EPHA3: variants seen among roughly 807,000 people sequenced by gnomAD.
EPHA3 encodes ephrin type-A receptor 3.
In EPHA3, 42 loss-of-function variants were observed where a neutral mutation model predicts 107.1. The observed-to-expected ratio is 0.39, with a 90% CI of 0.31 to 0.51. The LOEUF (loss-of-function observed/expected upper bound fraction) is 0.51. EPHA3 is among the 20% of genes least tolerant of loss of function. The probability of loss-of-function intolerance (pLI) is 0.78; values close to 1 mark genes in which losing one functional copy is unlikely to be tolerated. For missense variants in EPHA3, 1,183 were observed against 1,211.2 expected (o/e 0.98, Z 0.35); for synonymous variants, 461 against 424.8 (o/e 1.09, Z -1.05).
At chr3:89,233,089 C>G (rs554710331) in intron 3 of EPHA3, among the ~76,000 whole-genome samples, 2 of 152,060 alleles carry the variant, frequency 1.3e-5, no homozygotes, top group East Asian at 3.9e-4. Flanking sequence ...ACTTACGTTA[C>G]AAGGTACAGA....
At chr3:89,424,203 C>T (rs1709412316) in intron 11 of EPHA3, among the ~76,000 whole-genome samples, 1 of 151,218 alleles carries the variant, frequency 6.6e-6, no homozygotes, top group South Asian at 2.1e-4. Flanking sequence ...ACACCATTTC[C>T]CAAGTGTAGT....
At chr3:89,162,742 G>T (rs141922763) in intron 2 of EPHA3, among the ~76,000 whole-genome samples, 1 of 152,192 alleles carries the variant, frequency 6.6e-6, no homozygotes, top group Non-Finnish European at 1.5e-5. Flanking sequence ...ACTGAGAGGG[G>T]CTTTTAGAAA....
intron 3 of EPHA3, among the ~76,000 whole-genome samples, chr3:89,292,257 C>G (rs953705233): frequency 6.6e-6 from 1 of 152,076 alleles, no homozygotes. Flanking sequence ...AGTAATAATA[C>G]AGCAATAAAA....
intron 3 of EPHA3, among the ~76,000 whole-genome samples, chr3:89,299,081 T>C (rs1320664936): frequency 6.6e-6 from 1 of 152,108 alleles, no homozygotes; most frequent in Non-Finnish European, 1.5e-5. Context: ...TTTGAAGACA[T>C]ATGTAAATAT....
At chr3:89,399,127 TAAA>T (rs375028505) in intron 6 of EPHA3, among the ~76,000 whole-genome samples, 188 bp from the exon 7 acceptor site, 16 of 139,202 alleles carry the variant, frequency 1.1e-4, no homozygotes, top group African/African-American at 4.2e-4. Flanking sequence ...AGACTTTGTC[TAAA>T]AAAAAAAAAA....
At chr3:89,202,452 G>T (rs2107163029) in intron 2 of EPHA3, among the ~76,000 whole-genome samples, 1 of 148,676 alleles carries the variant, frequency 6.7e-6, no homozygotes, top group Admixed American at 6.7e-5. Flanking sequence ...GGACGTGGAG[G>T]TTGCAGAGAA....
intron 10 of EPHA3, among the ~76,000 whole-genome samples, chr3:89,414,300 T>C (rs930331443): frequency 2.1e-4 from 32 of 151,844 alleles, no homozygotes; most frequent in African/African-American, 7.7e-4. Flanking sequence ...CTTCTAATTA[T>C]CTTAATTTCT....
intron 3 of EPHA3, among the ~76,000 whole-genome samples, chr3:89,334,406 T>A (rs1420136092): frequency 6.6e-6 from 1 of 152,238 alleles, no homozygotes; most frequent in African/African-American, 2.4e-5. Flanking sequence ...GTGATGAACA[T>A]GAAGTTAATT....
intron 15 of EPHA3, among the ~76,000 whole-genome samples, chr3:89,466,505 C>T (rs1434629423): frequency 7.5e-5 from 10 of 133,924 alleles, no homozygotes; most frequent in South Asian, 2.2e-4. Context: ...TAGGACCCTC[C>T]GAGCCAGGTG....
intron 3 of EPHA3, among the ~76,000 whole-genome samples, chr3:89,232,474 A>G: frequency 6.6e-6 from 1 of 152,288 alleles, no homozygotes; most frequent in East Asian, 1.9e-4. Flanking sequence ...GAAAGGTGTC[A>G]GAGTCTTCAA....
intron 5 of EPHA3, among the ~76,000 whole-genome samples, chr3:89,364,335 T>A (rs976405805): frequency 4.6e-5 from 7 of 150,984 alleles, no homozygotes; most frequent in African/African-American, 1.7e-4. Flanking sequence ...CACCAGTATT[T>A]ACCTACTCCA....
intron 2 of EPHA3, among the ~76,000 whole-genome samples, chr3:89,137,926 A>AG (rs1704350818): frequency 6.6e-6 from 1 of 151,944 alleles, no homozygotes. Context: ...CTGGGCCCCA[A>AG]TCATGACCTG....
At chr3:89,135,957 A>G (rs1198424330) in intron 2 of EPHA3, among the ~76,000 whole-genome samples, 1 of 152,152 alleles carries the variant, frequency 6.6e-6, no homozygotes, top group Non-Finnish European at 1.5e-5. Context: ...ACTTTACAGT[A>G]TGATGTTATT....
At chr3:89,136,331 T>G (rs1388078280) in intron 2 of EPHA3, among the ~76,000 whole-genome samples, 4 of 82,738 alleles carry the variant, frequency 4.8e-5, no homozygotes, top group African/African-American at 1.4e-4. Flanking sequence ...TCTTACAGGC[T>G]TTTTTTTTTT....
chr3:89,256,529 A>G (rs946568291), intron 3 of EPHA3, among the ~76,000 whole-genome samples: 2 of 152,008 alleles, frequency 1.3e-5, no homozygotes, highest in Non-Finnish European at 2.9e-5. Flanking sequence ...GTGCCATTGC[A>G]CTCCAGCCTG....
At chr3:89,271,262 C>A (rs1157541173) in intron 3 of EPHA3, among the ~76,000 whole-genome samples, 1 of 151,670 alleles carries the variant, frequency 6.6e-6, no homozygotes, top group Non-Finnish European at 1.5e-5. Flanking sequence ...ACAAGAAAAG[C>A]CGAAAAAAAG....
At chr3:89,222,388 CACAT>C (rs1704400550) in intron 3 of EPHA3, among the ~76,000 whole-genome samples, 1 of 147,024 alleles carries the variant, frequency 6.8e-6, no homozygotes, top group Non-Finnish European at 1.5e-5. Context: ...TGTATACACA[CACAT>C]ATATACATAT....
intron 3 of EPHA3, among the ~76,000 whole-genome samples, chr3:89,336,744 G>A (rs990375938): frequency 1.3e-4 from 20 of 152,048 alleles, no homozygotes; most frequent in African/African-American, 4.3e-4. Flanking sequence ...CCATACCAAT[G>A]TTAGACATCA....
At position 89,468,335 on chromosome 3, in the gene EPHA3, C is replaced by T. The variant is rs575572980; in HGVS notation, c.2691-4129C>T. 2.1e-4 allele frequency among the ~76,000 whole-genome samples: 32 copies of T among 152,074 alleles called. 1 individual carries two copies. The South Asian group carries it at 5.8e-3, about 28-fold the overall frequency. On this transcript the variant is annotated intron_variant, in intron 15 of 16. Coordinates refer to ENST00000336596, the MANE Select transcript of EPHA3 (RefSeq NM_005233.6). ...TGGGGTCACTAATCCTTAATCCACA[C>T]GTCCTGTTCTATTTCAATTTGTTTA...
Sources: allele counts gnomAD v4.1 joint callset (sites outside exome capture counted in the v4.1 genomes callset), GRCh38; gene constraint gnomAD v4.1.1; transcripts MANE v1.5; gene names NCBI Gene and HGNC (gene_info 2026-07-23, HGNC 2026-07-21).